Variants in EPPK1 observed in about 807,000 individuals in gnomAD.
EPPK1 encodes the protein epiplakin 1, also known as epiplakin.
For synonymous variants in EPPK1, 1,862 were observed against 1,721.2 expected (o/e 1.08, Z -2.03); for missense variants, 3,823 against 3,673.3 (o/e 1.04, Z -1.05).
chr8:143,870,338 G>T lies in EPPK1; in HGVS notation c.2916C>A (p.Thr972=). 1.9e-6 allele frequency: 3 copies of T among 1,559,294 alleles called. No homozygotes were observed. Among genetic ancestry groups the T allele is most frequent in the Non-Finnish European group, 2.6e-6 (3 of 1,157,620 alleles). Residue 972 remains threonine (T), a synonymous_variant, in exon 2 of 2, where the codon ACC becomes ACA. Transcript: ENST00000615648. The surrounding 1 kb of genome is among the most constrained non-coding windows in gnomAD (Gnocchi z 5.2). ...TCTCTGGGCTGTGAGGGTCCATGAT[G>T]GTTCCGGTGGCCGCCTGGGCCTCCA... is the stretch of plus-strand genomic sequence containing the variant. ...ALLEAQAATG[T]IMDPHSPESL... is the part of the protein sequence containing the mutation.
In EPPK1 at chr8:143,857,969, T is replaced by C. The variant is rs1554657861; in HGVS notation, c.*18A>G. On this transcript the variant is annotated 3_prime_UTR_variant, in exon 2 of 2. Transcript: ENST00000615648. Reference sequence around the variant, plus strand: ...CCACTTCTCCAGAGTTGCAGAAAACTGCACGGAGGAAGCCCAGTCACTGTA... The same window carrying C: ...CCACTTCTCCAGAGTTGCAGAAAACCGCACGGAGGAAGCCCAGTCACTGTA... The C allele has an allele frequency of 1.8e-5, 27 of 1,493,354 alleles. No individual in the cohort carries two copies. The highest frequency in any genetic ancestry group is 2.4e-5 in the Non-Finnish European group (26 of 1,105,894). 92.5% of individuals were successfully genotyped at this position (1,493,354 alleles called of 1,614,324 possible).
Position 143,869,522 on chromosome 8 carries a change from G to GC in EPPK1, c.3731dup (p.Thr1245HisfsTer47). 1.3e-6 allele frequency: 2 copies of GC among 1,558,638 alleles called. No homozygotes were observed. The highest frequency in any genetic ancestry group is 1.7e-6 in the Non-Finnish European group (2 of 1,155,674). On this transcript the variant is annotated frameshift_variant, in exon 2 of 2. Coordinates refer to ENST00000615648, the MANE Select transcript of EPPK1 (RefSeq NM_031308.4). LOFTEE classifies it low-confidence loss of function (END_TRUNC). The stretch of plus-strand genomic sequence containing the variant: ...GCAGCACACCGGCCACGCAGCCTGT[G>GC]CCCCACAGGCAGGCCTTCACCGCCG...
chr8:143,873,828 A>C (rs1486216103), intron 1 of EPPK1, among the ~76,000 whole-genome samples: 3 of 137,604 alleles, frequency 2.2e-5, no homozygotes, highest in Non-Finnish European at 3.1e-5. Flanking sequence ...CTCCCACCCC[A>C]CCTGGACCTG....
At position 143,868,792 on chromosome 8, in the gene EPPK1, C is replaced by A. The variant is rs1819231522; in HGVS notation, c.4462G>T (p.Ala1488Ser). The A allele has an allele frequency of 6.2e-7, 1 of 1,600,908 alleles. No individual in the cohort carries two copies. The highest frequency in any genetic ancestry group is 2.2e-5 in the East Asian group (1 of 44,702). Residue 1488 changes from alanine to serine, a missense_variant, in exon 2 of 2, where the codon GCA (alanine) becomes TCA (serine). Physicochemically the swap from Ala to Ser is moderately conservative, Grantham distance 99 (BLOSUM62 1). Transcript: ENST00000615648. ...GCAGCCCTCCCAGACCGACAGAGTGCCACCAGCTCCCGCCGCTTGTCAGCG... is the reference window on the plus strand; with the variant it reads ...GCAGCCCTCCCAGACCGACAGAGTGACACCAGCTCCCGCCGCTTGTCAGCG... Reference protein sequence around the residue: ...VGADKRRELVALCRSGRAAAL... With the variant: ...VGADKRRELVSLCRSGRAAAL...
In EPPK1 at chr8:143,870,851, C is replaced by T. The variant is rs140932359; in HGVS notation, c.2403G>A (p.Thr801=). The T allele has an allele frequency of 4.9e-5, 79 of 1,612,858 alleles. No homozygotes were observed. The East Asian group carries it at 1.2e-3, about 25-fold the overall frequency. Residue 801 remains threonine, a synonymous_variant, in exon 2 of 2, where the codon ACG becomes ACA. Coordinates refer to ENST00000615648, the MANE Select transcript of EPPK1 (RefSeq NM_031308.4). This position sits in a 1 kb window ranked among gnomAD's most constrained non-coding sequence, Gnocchi z 5.2. ...TGLYLLPLSS[T]QSPLVDSATQ... is the part of the protein sequence containing the mutation. ...TGGCACTGTCCACCAGCGGGGACTG[C>T]GTGCTGCTGAGTGGCAGGAGGTACA...
Position 143,869,182 on chromosome 8 carries a change from C to G in EPPK1, c.4072G>C (p.Val1358Leu). ...PQNEGLPLLQ[V>L]QLATGGVVDP... ...ACCACACCCCCTGTGGCCAGCTGCA[C>G]CTGCAGGAGGGGCAAGCCCTCGTTC... The change falls in exon 2 of 2, where the codon GTG becomes CTG. Residue 1358 changes from valine (V) to leucine (L), a missense_variant. Physicochemically the swap from Val to Leu is conservative, Grantham distance 32. Coordinates refer to ENST00000615648, the MANE Select transcript of EPPK1 (RefSeq NM_031308.4). 1 of 1,608,966 alleles carries G rather than the reference C, an allele frequency of 6.2e-7. No individual in the cohort carries two copies. Among genetic ancestry groups the G allele is most frequent in the Non-Finnish European group, 8.5e-7 (1 of 1,179,644 alleles).
chr8:143,873,839 T>C (rs1212055215), intron 1 of EPPK1, among the ~76,000 whole-genome samples: 1 of 151,444 alleles, frequency 6.6e-6, no homozygotes, highest in Non-Finnish European at 1.5e-5. Context: ...CCTGGACCTG[T>C]CACTCCAGAG....
chr8:143,879,178 C>A (rs1554662830), upstream of EPPK1, among the ~76,000 whole-genome samples: 1 of 152,178 alleles, frequency 6.6e-6, no homozygotes, highest in Non-Finnish European at 1.5e-5. Context: ...GGCACGGGAA[C>A]CTTCCATGGA....
chr8:143,867,038 G>C lies in EPPK1; in HGVS notation c.6216C>G (p.Cys2072Trp), dbSNP rs1403404823. 1.9e-6 allele frequency: 3 copies of C among 1,612,664 alleles called. No individual in the cohort carries two copies. The highest frequency in any genetic ancestry group is 1.3e-5 in the African/African-American group (1 of 74,916). ...GCCAGCCCGTGTCCTCTTGTGGGCG[G>C]CACCTCTCCTGCAGCTCTCGGTACG... ...KVSYRELQER[C>W]RPQEDTGWLL... Residue 2072 changes from cysteine to tryptophan, a missense_variant, in exon 2 of 2, where the codon TGC becomes TGG. Physicochemically the swap from Cys to Trp is radical, Grantham distance 215. Transcript: ENST00000615648.
intron 1 of EPPK1, among the ~76,000 whole-genome samples, chr8:143,877,016 C>G (rs1403170871): frequency 6.6e-6 from 1 of 152,270 alleles, no homozygotes; most frequent in Non-Finnish European, 1.5e-5. Context: ...TCAAGTTCCC[C>G]AAACAAAGAG....
At chr8:143,873,491 A>G (rs1819422987) in intron 1 of EPPK1, among the ~76,000 whole-genome samples, 193 bp from the exon 2 acceptor site, 1 of 152,022 alleles carries the variant, frequency 6.6e-6, no homozygotes, top group Admixed American at 6.5e-5. Context: ...GTGCCAGCTC[A>G]GAGGGACCAT....
chr8:143,867,727 G>C lies in EPPK1; in HGVS notation c.5527C>G (p.Gln1843Glu). 1 of 1,613,664 alleles carries C rather than the reference G, an allele frequency of 6.2e-7. No individual in the cohort carries two copies. The highest frequency in any genetic ancestry group is 8.5e-7 in the Non-Finnish European group (1 of 1,179,850). The change falls in exon 2 of 2, where the codon CAA (glutamine) becomes GAA (glutamate). Residue 1843 changes from glutamine to glutamate, a missense_variant. Physicochemically the swap from Gln to Glu is conservative, Grantham distance 29. Coordinates refer to ENST00000615648, the MANE Select transcript of EPPK1 (RefSeq NM_031308.4). The stretch of plus-strand genomic sequence containing the variant: ...CTGATGGCCGCCACTTTGATGCCTT[G>C]GTTTTGCGTCTCTGTTTCTTCAATT... ...TTIEETETQN[Q>E]GIKVAAIRGE...
At position 143,867,179 on chromosome 8, in the gene EPPK1, G is replaced by C; in HGVS notation, c.6075C>G (p.Leu2025=). 6.2e-7 allele frequency: 1 copy of C among 1,612,718 alleles called. No individual in the cohort carries two copies. Among genetic ancestry groups the C allele is most frequent in the Non-Finnish European group, 8.5e-7 (1 of 1,179,740 alleles). The change falls in exon 2 of 2, where the codon CTC becomes CTG. Residue 2025 remains leucine (L), a synonymous_variant. Coordinates refer to ENST00000615648, the MANE Select transcript of EPPK1 (RefSeq NM_031308.4). ...CCCGTCTGTAGGCTGTTTCCAGTGG[G>C]AGCCGGTGGTGGTGCTGTGGGTCGA... is the stretch of plus-strand genomic sequence containing the variant. ...GVIDPQHHHR[L]PLETAYRRGC...
chr8:143,876,461 T>C (rs1563890976), intron 1 of EPPK1, among the ~76,000 whole-genome samples: 1 of 152,180 alleles, frequency 6.6e-6, no homozygotes, highest in Non-Finnish European at 1.5e-5. Flanking sequence ...TACGGGGCTG[T>C]CCAGATCTGC....
chr8:143,869,936 C>T lies in EPPK1; in HGVS notation c.3318G>A (p.Glu1106=), dbSNP rs569586589. The change falls in exon 2 of 2, where the codon GAG becomes GAA. Residue 1106 remains glutamate, a synonymous_variant. Transcript: ENST00000615648. ...GGGGCAGGAGGTGAAGGCCAGAAGT[C>T]TCATCCCTGGGGCACTCCTCCAGGA... ...AQLLEECPRD[E]TSGLHLLPLP... is the part of the protein sequence containing the mutation. 18 of 1,608,770 alleles carry T rather than the reference C, an allele frequency of 1.1e-5. No homozygotes were observed. The highest frequency in any genetic ancestry group is 1.4e-5 in the Non-Finnish European group (16 of 1,177,908).
rs782161337 is a variant in EPPK1, at chr8:143,869,896, G to A, written c.3358C>T (p.Pro1120Ser). The A allele has an allele frequency of 1.2e-6, 2 of 1,608,394 alleles. No homozygotes were observed. Among genetic ancestry groups the A allele is most frequent in the Non-Finnish European group, 1.7e-6 (2 of 1,178,076 alleles). ...ACCTGCTCCTCGGTGGGGAGGGCAG[G>A]AGCACTTTCTGGCAGGGGCAGGAGG... ...LHLLPLPESA[P>S]ALPTEEQVQR... The change falls in exon 2 of 2, where the codon CCT becomes TCT. Residue 1120 changes from proline to serine, a missense_variant. Pro to Ser is a moderately conservative substitution (Grantham distance 74, BLOSUM62 -1). Transcript: ENST00000615648.
rs1554659299 is a variant in EPPK1 at position 143,867,076 on chromosome 8, G to C, written c.6178C>G (p.Gln2060Glu). 3 of 1,612,932 alleles carry C rather than the reference G, an allele frequency of 1.9e-6. No homozygotes were observed. In the Admixed American group the frequency reaches 5.0e-5, roughly 27 times the overall value. Residue 2060 changes from glutamine to glutamate, a missense_variant, in exon 2 of 2, where the codon CAA becomes GAA. Physicochemically the swap from Gln to Glu is conservative, Grantham distance 29. Coordinates refer to ENST00000615648, the MANE Select transcript of EPPK1 (RefSeq NM_031308.4). Reference protein sequence around the residue: ...MRKRFVDPNTQEKVSYRELQE... With the variant: ...MRKRFVDPNTEEKVSYRELQE... ...AGCTCTCGGTACGAGACCTTCTCTT[G>C]CGTGTTCGGGTCCACAAACCGTTTC...
Position 143,868,483 on chromosome 8 carries a change from G to C in EPPK1, c.4771C>G (p.Leu1591Val), listed in dbSNP as rs1166366839. 1.2e-6 allele frequency: 2 copies of C among 1,611,698 alleles called. No individual in the cohort carries two copies. Among genetic ancestry groups the C allele is most frequent in the Non-Finnish European group, 1.7e-6 (2 of 1,179,562 alleles). ...TQERMSIPEA[L>V]RRHILRPGTA... ...CCAGGCCGCAGGATGTGCCTCCTCA[G>C]GGCCTCTGGGATGCTCATCCTCTCC... Residue 1591 changes from leucine to valine, a missense_variant, in exon 2 of 2, where the codon CTG becomes GTG. Leu to Val is a conservative substitution (Grantham distance 32, BLOSUM62 1). Coordinates refer to ENST00000615648, the MANE Select transcript of EPPK1 (RefSeq NM_031308.4).
At position 143,867,506 on chromosome 8, in the gene EPPK1, G is replaced by A. The variant is rs782677884; in HGVS notation, c.5748C>T (p.Ala1916=). The part of the protein sequence containing the change: ...STREVMSLHE[A]SRKELIPAAF... The stretch of plus-strand genomic sequence containing the variant: ...CTGCAGGGATGAGCTCCTTCCTGCT[G>A]GCCTCATGGAGGCTCATGACCTCCC... Residue 1916 remains alanine (A), a synonymous_variant, in exon 2 of 2, where the codon GCC becomes GCT. Transcript: ENST00000615648. 13 of 1,612,488 alleles carry A rather than the reference G, an allele frequency of 8.1e-6. No homozygotes were observed. Among genetic ancestry groups the A allele is most frequent in the Non-Finnish European group, 4.2e-6 (5 of 1,179,806 alleles).
Sources: gnomAD v4.1 joint callset for allele counts (sites outside exome capture counted in the v4.1 genomes callset) on GRCh38, gnomAD v4.1.1 for gene constraint, Gnocchi (gnomAD v3.1) non-coding constraint, MANE v1.5 for transcripts, NCBI Gene and HGNC (gene_info 2026-07-23, HGNC 2026-07-21) for gene names.